HECW2: variants seen among roughly 807,000 people sequenced by gnomAD.
The protein encoded by HECW2 is E3 ubiquitin-protein ligase HECW2.
A neutral mutation model predicts 175.2 loss-of-function variants in HECW2; 61 were observed. That is an observed-to-expected ratio of 0.35 (90% confidence interval 0.28 to 0.43). The LOEUF (loss-of-function observed/expected upper bound fraction) is 0.43, where lower values mean the gene tolerates loss of function less well. Ranked by LOEUF, HECW2 falls within the 20% of genes least tolerant of loss-of-function variation. The pLI is 1.00. For synonymous variants in HECW2, 671 were observed against 731.0 expected (o/e 0.92, Z 1.32); for missense variants, 1,524 against 2,000.5 (o/e 0.76, Z 4.54).
intron 1 of HECW2, among the ~76,000 whole-genome samples, chr2:196,464,884 T>C (rs969882237): frequency 1.3e-5 from 2 of 151,940 alleles, no homozygotes; most frequent in African/African-American, 4.8e-5. Context: ...CTACTAAAAA[T>C]ACAAAAAATT....
chr2:196,245,326 A>G (rs7587494), intron 19 of HECW2, among the ~76,000 whole-genome samples: 148,436 of 152,296 alleles, frequency 0.97, 72,473 homozygotes, highest in East Asian at 1. Context: ...TTGCAACTAA[A>G]GAAAATGAAG....
chr2:196,362,207 G>C, intron 2 of HECW2: 1 of 985,310 alleles, frequency 1.0e-6, no homozygotes, highest in Non-Finnish European at 1.2e-6. Flanking sequence ...CCTCGGCTGA[G>C]GCAGTCGTGG....
chr2:196,217,939 C>T (rs918896196), intron 26 of HECW2: 3 of 152,280 alleles, frequency 2.0e-5, no homozygotes, highest in South Asian at 2.1e-4. Context: ...CAAATTTTTC[C>T]TCACATTTCA....
intron 1 of HECW2, among the ~76,000 whole-genome samples, chr2:196,476,947 C>CAAAAAAAAAA (rs35714216): frequency 1.7e-5 from 1 of 57,386 alleles, no homozygotes; most frequent in Non-Finnish European, 3.0e-5. Flanking sequence ...CCCATCTCCA[C>CAAAAAAAAAA]AAAAAAAAAA....
At chr2:196,382,834 A>G (rs1335342914) in intron 2 of HECW2, among the ~76,000 whole-genome samples, 1 of 152,176 alleles carries the variant, frequency 6.6e-6, no homozygotes. Context: ...AACCAGCCTC[A>G]ATACTAGTAA....
intron 1 of HECW2, among the ~76,000 whole-genome samples, chr2:196,515,164 C>T (rs765578863): frequency 4.6e-5 from 7 of 152,232 alleles, no homozygotes; most frequent in Non-Finnish European, 1.0e-4. Flanking sequence ...TCGCACAGAG[C>T]CGGCACCTGT....
At chr2:196,432,114 C>T (rs1217229214) in intron 2 of HECW2, among the ~76,000 whole-genome samples, 1 of 152,162 alleles carries the variant, frequency 6.6e-6, no homozygotes, top group Admixed American at 6.5e-5. Context: ...TATCCCCCTA[C>T]CCAGTTGTGA....
chr2:196,319,086 C>A lies in HECW2; in HGVS notation c.1804G>T (p.Asp602Tyr), dbSNP rs765958118. 9 of 1,603,954 alleles carry A rather than the reference C, an allele frequency of 5.6e-6. No individual in the cohort carries two copies. In the Admixed American group the frequency reaches 6.8e-5, roughly 12 times the overall value. Residue 602 changes from aspartate (D) to tyrosine (Y), a missense_variant, in exon 9 of 29, where the codon GAT becomes TAT. Asp to Tyr is a radical substitution (Grantham distance 160). This residue lies in a region of HECW2 where 604 missense variants were observed against 588.3 expected (regional missense o/e 1.03). Transcript: ENST00000644978. The part of the protein sequence containing the change: ...RRAVSETESL[D>Y]QGSEPSQVSS... The stretch of plus-strand genomic sequence containing the variant: ...ACCTGGGAAGGCTCAGAGCCCTGAT[C>A]GAGAGACTCGGTCTCACTGACGGCT...
At chr2:196,576,416 A>G (rs1181194798) in intron 1 of HECW2, among the ~76,000 whole-genome samples, 1 of 152,230 alleles carries the variant, frequency 6.6e-6, no homozygotes, top group Admixed American at 6.5e-5. Flanking sequence ...ATTTGTGACA[A>G]CATGAATGAA....
chr2:196,465,126 G>T (rs1044367221), intron 1 of HECW2, among the ~76,000 whole-genome samples: 2 of 152,180 alleles, frequency 1.3e-5, no homozygotes, highest in African/African-American at 4.8e-5. Flanking sequence ...CCTCAATGGA[G>T]AATGAACAAC....
intron 13 of HECW2, 144 bp from the exon 14 acceptor site, chr2:196,292,894 A>C (rs1038946578): frequency 1.2e-5 from 7 of 606,300 alleles, no homozygotes; most frequent in South Asian, 5.0e-5. Context: ...CCATGTATGG[A>C]AACAGCAGAC....
At chr2:196,430,732 T>C (rs1559106148) in intron 2 of HECW2, among the ~76,000 whole-genome samples, 1 of 151,980 alleles carries the variant, frequency 6.6e-6, no homozygotes, top group Non-Finnish European at 1.5e-5. Flanking sequence ...ATAGAAATTA[T>C]CAAATTTGAA....
intron 17 of HECW2, chr2:196,263,056 TAAA>T (rs1558993087): frequency 6.7e-6 from 1 of 149,988 alleles, no homozygotes; most frequent in Non-Finnish European, 1.5e-5. Context: ...GGCAGAGAAA[TAAA>T]AAAAGAATTG....
intron 3 of HECW2, among the ~76,000 whole-genome samples, chr2:196,341,044 T>TTTAACTA (rs1467546599): frequency 1.3e-5 from 2 of 152,204 alleles, no homozygotes; most frequent in African/African-American, 4.8e-5. Flanking sequence ...GACAGATCTA[T>TTTAACTA]TTAACTATAG....
chr2:196,322,599 G>T lies in HECW2; in HGVS notation c.763C>A (p.Leu255Ile). ...HREKYSFFALLTDVLEIEIKD... is the reference protein window; with the variant it reads ...HREKYSFFALITDVLEIEIKD... ...ATTTCAATTTCTAAGACATCAGTAA[G>T]AAGTGCAAAAAAGGAATATTTCTGA... The change falls in exon 7 of 29, where the codon CTT becomes ATT. Residue 255 changes from leucine (L) to isoleucine (I), a missense_variant. By Grantham distance (5) the Leu-to-Ile change is conservative (BLOSUM62 2). Transcript: ENST00000644978. The T allele has an allele frequency of 6.2e-7, 1 of 1,612,382 alleles. No individual in the cohort carries two copies.
In HECW2 at chr2:196,204,829, G is replaced by C. The variant is rs150622337; in HGVS notation, c.4608-3441C>G. On this transcript the variant is annotated intron_variant, in intron 28 of 28. Transcript: ENST00000644978. ...TATCCAGGACAGGTGGTGAAACAAA[G>C]CTAGGGGTTGGCAACAGTTCTTTCA... is the stretch of plus-strand genomic sequence containing the variant. Among the ~76,000 whole-genome samples, 971 of 152,328 alleles carry C rather than the reference G, an allele frequency of 6.4e-3. 5 individuals are homozygous for C. The highest frequency in any genetic ancestry group is 0.013 in the Admixed American group (206 of 15,306).
intron 1 of HECW2, among the ~76,000 whole-genome samples, chr2:196,520,844 C>A (rs1355826130): frequency 6.6e-6 from 1 of 152,076 alleles, no homozygotes; most frequent in Non-Finnish European, 1.5e-5. Flanking sequence ...TCAGTTCACA[C>A]AGAAGGACAC....
At chr2:196,496,717 T>G (rs965873841) in intron 1 of HECW2, among the ~76,000 whole-genome samples, 4 of 152,194 alleles carry the variant, frequency 2.6e-5, no homozygotes, top group Non-Finnish European at 4.4e-5. Context: ...TGTGAGATAG[T>G]AGGTATGAAA....
At chr2:196,343,961 G>A (rs954302579) in intron 2 of HECW2, among the ~76,000 whole-genome samples, 197 bp from the exon 3 acceptor site, 3 of 152,186 alleles carry the variant, frequency 2.0e-5, no homozygotes, top group Non-Finnish European at 2.9e-5. Context: ...AGAAGGCTGG[G>A]GGGAAAGAAG....
Sources: gnomAD v4.1 joint callset for allele counts (sites outside exome capture counted in the v4.1 genomes callset) on GRCh38, gnomAD v4.1.1 for gene constraint, gnomAD v4.1.1 regional missense constraint, MANE v1.5 for transcripts, NCBI Gene and HGNC (gene_info 2026-07-23, HGNC 2026-07-21) for gene names.